Variants in SORCS1 observed in about 807,000 individuals in gnomAD.
The protein encoded by SORCS1 is VPS10 domain-containing receptor SorCS1.
A neutral mutation model predicts 146.1 loss-of-function variants in SORCS1; 60 were observed. That is an observed-to-expected ratio of 0.41 (90% CI 0.33 to 0.51). The LOEUF (loss-of-function observed/expected upper bound fraction) is 0.51. Among genes scored for constraint, SORCS1 ranks in the 20% least tolerant of loss-of-function variants. The pLI is 0.21. For missense variants in SORCS1, 1,352 were observed against 1,487.6 expected, an observed-to-expected ratio of 0.91 and a Z score of 1.50; for synonymous variants, 637 against 584.0, an observed-to-expected ratio of 1.09 and a Z score of -1.31.
At chr10:106,919,145 G>A (rs1266377998) in intron 2 of SORCS1, among the ~76,000 whole-genome samples, 1 of 152,168 alleles carries the variant, frequency 6.6e-6, no homozygotes, top group African/African-American at 2.4e-5. Flanking sequence ...CCTGCATATT[G>A]TGCATTTGAA....
At chr10:106,883,757 G>A (rs1950893866) in intron 2 of SORCS1, among the ~76,000 whole-genome samples, 1 of 152,142 alleles carries the variant, frequency 6.6e-6, no homozygotes, top group South Asian at 2.1e-4. Flanking sequence ...TCTATTGCCA[G>A]CTCTACTCAT....
chr10:107,123,038 G>T (rs1414679926), intron 1 of SORCS1, among the ~76,000 whole-genome samples: 3 of 127,854 alleles, frequency 2.3e-5, no homozygotes, highest in Admixed American at 8.6e-5. Context: ...TTTTCACTTT[G>T]TTAAAACATC....
intron 2 of SORCS1, among the ~76,000 whole-genome samples, chr10:106,856,085 G>A (rs1949776905): frequency 6.6e-6 from 1 of 150,686 alleles, no homozygotes; most frequent in African/African-American, 2.4e-5. Flanking sequence ...GGAGTGCCGT[G>A]GTGCAATCTC....
chr10:107,046,873 T>C (rs993847794), intron 1 of SORCS1, among the ~76,000 whole-genome samples: 1 of 152,222 alleles, frequency 6.6e-6, no homozygotes, highest in Admixed American at 6.5e-5. Flanking sequence ...CAAAGAAGGC[T>C]TGGTATTTCA....
chr10:107,085,876 A>G (rs1963720182), intron 1 of SORCS1, among the ~76,000 whole-genome samples: 1 of 152,232 alleles, frequency 6.6e-6, no homozygotes, highest in South Asian at 2.1e-4. Flanking sequence ...TCTACATTGT[A>G]CAATCACTCA....
At chr10:106,776,978 A>C (rs1476691765) in intron 3 of SORCS1, among the ~76,000 whole-genome samples, 1 of 152,132 alleles carries the variant, frequency 6.6e-6, no homozygotes, top group East Asian at 1.9e-4. Flanking sequence ...TTTATTTCCA[A>C]GGTTATTTCC....
At chr10:107,161,615 C>T (rs1240087136) in intron 1 of SORCS1, among the ~76,000 whole-genome samples, 1 of 152,138 alleles carries the variant, frequency 6.6e-6, no homozygotes, top group African/African-American at 2.4e-5. Context: ...GGACACTCAA[C>T]TTGCCTCGGT....
chr10:106,953,489 G>A (rs968161099), intron 2 of SORCS1, among the ~76,000 whole-genome samples: 1 of 151,416 alleles, frequency 6.6e-6, no homozygotes, highest in Non-Finnish European at 1.5e-5. Flanking sequence ...TGAATTAACA[G>A]ATCTAAAACC....
chr10:106,580,921 G>C (rs1210376382), intron 24 of SORCS1, among the ~76,000 whole-genome samples: 4 of 151,978 alleles, frequency 2.6e-5, no homozygotes, highest in Admixed American at 6.6e-5. Context: ...GAACCCCCCC[G>C]CTATTTTCTC....
intron 2 of SORCS1, among the ~76,000 whole-genome samples, chr10:106,880,085 T>C (rs1187893424): frequency 2.0e-5 from 3 of 152,182 alleles, no homozygotes. Flanking sequence ...CACAAGGTGG[T>C]TGGTGGCTAA....
intron 1 of SORCS1, among the ~76,000 whole-genome samples, chr10:107,047,161 G>A (rs1454094697): frequency 1.1e-4 from 16 of 151,776 alleles, no homozygotes; most frequent in Admixed American, 9.8e-4. Context: ...GCTACTTTTC[G>A]TATTTTTAGT....
chr10:106,690,513 G>A (rs557643487), intron 9 of SORCS1, among the ~76,000 whole-genome samples: 30 of 152,282 alleles, frequency 2.0e-4, no homozygotes, highest in African/African-American at 6.3e-4. Flanking sequence ...CATTTGATTC[G>A]CAGAAGTGGC....
chr10:106,663,069 G>A (rs1850857509), intron 17 of SORCS1, among the ~76,000 whole-genome samples: 1 of 152,276 alleles, frequency 6.6e-6, no homozygotes, highest in Middle Eastern at 3.4e-3. Context: ...TGTATAACAA[G>A]TTTTATGGGA....
rs199862885 is a variant in SORCS1 at position 106,577,523 on chromosome 10, G to C, written c.3404C>G (p.Ser1135Cys). Reference protein sequence around the residue: ...RVALPSPPSPSTQPGDSSLRL... With the variant: ...RVALPSPPSPCTQPGDSSLRL... ...GAGAGATGAGTCACCAGGTTGAGTA[G>C]AAGGGGAGGGAGGGGAGGGTAAAGC... The change falls in exon 26 of 26, where the codon TCT becomes TGT. Residue 1135 changes from serine to cysteine, a missense_variant. Ser to Cys is a moderately radical substitution (Grantham distance 112). Transcript: ENST00000263054. The C allele has an allele frequency of 5.0e-5, 73 of 1,470,286 alleles. No homozygotes were observed. The highest frequency in any genetic ancestry group is 9.3e-6 in the Non-Finnish European group (10 of 1,076,854). The allele number at this position is 1,470,286 out of a possible 1,614,324, so 91.1% of individuals were successfully genotyped here.
chr10:106,860,753 A>C (rs891268696), intron 2 of SORCS1, among the ~76,000 whole-genome samples: 1 of 152,218 alleles, frequency 6.6e-6, no homozygotes, highest in East Asian at 1.9e-4. Flanking sequence ...ATTTTTCCTA[A>C]TGGAGCTCCC....
chr10:106,817,360 GC>G (rs1035213134), intron 3 of SORCS1, among the ~76,000 whole-genome samples: 10 of 152,140 alleles, frequency 6.6e-5, no homozygotes, highest in Non-Finnish European at 1.0e-4. Flanking sequence ...GGGAATTTGG[GC>G]CCTTTTTAGA....
chr10:107,022,697 C>T (rs1958201776), intron 1 of SORCS1, among the ~76,000 whole-genome samples: 1 of 152,166 alleles, frequency 6.6e-6, no homozygotes, highest in South Asian at 2.1e-4. Context: ...TCAACTCCAC[C>T]TTCATTTTGC....
At chr10:106,912,670 TTTTG>T (rs995614994) in intron 2 of SORCS1, among the ~76,000 whole-genome samples, 5 of 152,038 alleles carry the variant, frequency 3.3e-5, no homozygotes, top group African/African-American at 1.2e-4. Context: ...GCATTGCTTT[TTTTG>T]TTTGTTTGTT....
chr10:106,611,986 G>C lies in SORCS1; in HGVS notation c.2958C>G (p.Asn986Lys). 2 of 1,614,120 alleles carry C rather than the reference G, an allele frequency of 1.2e-6. No individual in the cohort carries two copies. Among genetic ancestry groups the C allele is most frequent in the Non-Finnish European group, 8.5e-7 (1 of 1,179,996 alleles). The change falls in exon 22 of 26, where the codon AAC becomes AAG. Residue 986 changes from asparagine (N) to lysine (K), a missense_variant. Coordinates refer to ENST00000263054, the MANE Select transcript of SORCS1 (RefSeq NM_052918.5). ...GGATGTCCGGGTTGTAGTCATCCAG[G>C]TTTGGAGAAAAGGACAAGCGAAGAG... ...FRSLRLSFSPNLDDYNPDIPE... is the reference protein window; with the variant it reads ...FRSLRLSFSPKLDDYNPDIPE...
Sources: gnomAD v4.1 joint callset for allele counts (sites outside exome capture counted in the v4.1 genomes callset) on GRCh38, gnomAD v4.1.1 for gene constraint, MANE v1.5 for transcripts, NCBI Gene and HGNC (gene_info 2026-07-23, HGNC 2026-07-21) for gene names.